NXPE2: variants seen among roughly 807,000 people sequenced by gnomAD.
The protein encoded by NXPE2 is NXPE family member 2.
In NXPE2, 34 loss-of-function variants were observed where a neutral mutation model predicts 34.4. The ratio of observed to expected loss-of-function variants is 0.99; its 90% confidence interval spans 0.75 to 1.31. The LOEUF is 1.31. Ranked by LOEUF, NXPE2 falls within the 40% of genes most tolerant of loss-of-function variation. The probability of loss-of-function intolerance (pLI) is 0.00; values close to 1 mark genes in which losing one functional copy is unlikely to be tolerated. For synonymous variants in NXPE2, 235 were observed against 231.3 expected, an observed-to-expected ratio of 1.02 and a Z score of -0.15; for missense variants, 649 against 672.5, an observed-to-expected ratio of 0.97 and a Z score of 0.39.
the NXPE2 span, among the ~76,000 whole-genome samples, chr11:114,520,337 G>A: frequency 3.3e-4 from 50 of 152,048 alleles, no homozygotes; most frequent in Admixed American, 8.5e-4. Context: ...ATATATAAGT[G>A]AGATCAAGCA....
chr11:114,779,871 G>A, the NXPE2 span, among the ~76,000 whole-genome samples: 37 of 151,888 alleles, frequency 2.4e-4, 1 homozygote, highest in Non-Finnish European at 5.0e-4. Flanking sequence ...AAATTCCCTC[G>A]AGGTGAGTGA....
At chr11:114,668,249 C>A in the NXPE2 span, among the ~76,000 whole-genome samples, 2 of 152,056 alleles carry the variant, frequency 1.3e-5, no homozygotes, top group East Asian at 3.9e-4. Flanking sequence ...AATTAAGGTA[C>A]ACTAGAGGGA....
At chr11:114,633,732 G>A in the NXPE2 span, among the ~76,000 whole-genome samples, 3 of 151,182 alleles carry the variant, frequency 2.0e-5, no homozygotes, top group South Asian at 2.1e-4. Context: ...TTTTGTCCTT[G>A]CGATTGTTTA....
At chr11:114,738,201 T>C in the NXPE2 span, among the ~76,000 whole-genome samples, 1 of 152,228 alleles carries the variant, frequency 6.6e-6, no homozygotes, top group Non-Finnish European at 1.5e-5. Context: ...GCTCACTTTA[T>C]ATTGCTCCAA....
the NXPE2 span, among the ~76,000 whole-genome samples, chr11:114,765,412 G>T: frequency 1.1e-4 from 16 of 152,172 alleles, no homozygotes; most frequent in Admixed American, 9.2e-4. Context: ...TTTCAGCAAT[G>T]AAGTATTTTT....
At chr11:114,522,589 C>A in the NXPE2 span, 85 of 1,187,350 alleles carry the variant, frequency 7.2e-5, 1 homozygote, top group East Asian at 8.4e-4. Flanking sequence ...AAAATACCCA[C>A]CCTACCTAGA....
the NXPE2 span, among the ~76,000 whole-genome samples, chr11:114,466,536 A>G: frequency 6.7e-6 from 1 of 149,734 alleles, no homozygotes; most frequent in Non-Finnish European, 1.5e-5. Context: ...TTTACTTGTT[A>G]GTAAACTTTA....
the NXPE2 span, among the ~76,000 whole-genome samples, chr11:114,733,853 C>A: frequency 3.5e-4 from 53 of 152,208 alleles, 1 homozygote; most frequent in African/African-American, 1.3e-3. Flanking sequence ...AGAGTCCTCT[C>A]ACATGCTTTA....
chr11:114,557,642 T>C, the NXPE2 span, among the ~76,000 whole-genome samples: 3 of 25,394 alleles, frequency 1.2e-4, no homozygotes, highest in African/African-American at 6.0e-4. Context: ...TACATATATA[T>C]ATATATATAT....
chr11:114,589,557 G>A, the NXPE2 span, among the ~76,000 whole-genome samples: 33 of 152,212 alleles, frequency 2.2e-4, no homozygotes, highest in Middle Eastern at 3.4e-3. Context: ...AGGTAGAGAC[G>A]TTCTAGCTTG....
chr11:114,597,850 A>G, the NXPE2 span, among the ~76,000 whole-genome samples: 1 of 152,144 alleles, frequency 6.6e-6, no homozygotes, highest in Admixed American at 6.5e-5. Context: ...TTTGGAATAT[A>G]TATTAATCTA....
At chr11:114,559,602 C>T in the NXPE2 span, among the ~76,000 whole-genome samples, 1 of 151,436 alleles carries the variant, frequency 6.6e-6, no homozygotes, top group East Asian at 1.9e-4. Context: ...GAGAGGCTCT[C>T]ACTATCAGTT....
the NXPE2 span, among the ~76,000 whole-genome samples, chr11:114,726,838 G>C: frequency 6.6e-6 from 1 of 151,974 alleles, no homozygotes; most frequent in Non-Finnish European, 1.5e-5. Flanking sequence ...TTTATAACAA[G>C]GATTGCCTTT....
the NXPE2 span, among the ~76,000 whole-genome samples, chr11:114,611,372 A>T: frequency 1.3e-5 from 2 of 151,734 alleles, no homozygotes; most frequent in Admixed American, 1.3e-4. Context: ...GTGGATAATA[A>T]GTGTTGCCTC....
intron 1 of NXPE2, among the ~76,000 whole-genome samples, chr11:114,679,198 T>C (rs1391304751): frequency 6.6e-6 from 1 of 151,328 alleles, no homozygotes; most frequent in Non-Finnish European, 1.5e-5. Flanking sequence ...AATGAAGCTC[T>C]TGAGGCAGAT....
the NXPE2 span, chr11:114,571,071 T>C: frequency 6.2e-7 from 1 of 1,613,914 alleles, no homozygotes; most frequent in Non-Finnish European, 8.5e-7. Flanking sequence ...CTGGAAAATG[T>C]CCTTTATGAT....
chr11:114,755,736 ATC>A, the NXPE2 span, among the ~76,000 whole-genome samples: 113,788 of 148,104 alleles, frequency 0.77, 45,608 homozygotes, highest in East Asian at 0.93. Context: ...CTCTTCACCC[ATC>A]TCTCTCTCTC....
chr11:114,641,600 G>A, the NXPE2 span, among the ~76,000 whole-genome samples: 2,381 of 152,064 alleles, frequency 0.016, 71 homozygotes, highest in African/African-American at 0.052. Context: ...GTCAAGAATA[G>A]GAAGAGAATA....
the NXPE2 span, among the ~76,000 whole-genome samples, chr11:114,662,170 AC>A: frequency 5.3e-5 from 8 of 152,042 alleles, no homozygotes; most frequent in Admixed American, 2.0e-4. Flanking sequence ...TGCCAACACA[AC>A]CCCACCATCA....
Sources: allele counts gnomAD v4.1 joint callset (sites outside exome capture counted in the v4.1 genomes callset), GRCh38; gene constraint gnomAD v4.1.1; transcripts MANE v1.5; gene names NCBI Gene and HGNC (gene_info 2026-07-23, HGNC 2026-07-21).